The following PAX6 variants were observed in gnomAD, a reference collection of about 807,000 sequenced individuals.
The protein encoded by PAX6 is paired box protein Pax-6.
PAX6 carries 7 observed loss-of-function variants against 60.7 expected under a neutral mutation model. The ratio of observed to expected loss-of-function variants is 0.12; its 90% CI spans 0.07 to 0.22. The LOEUF (loss-of-function observed/expected upper bound fraction) is 0.22, where lower values mean the gene tolerates loss of function less well. PAX6 is among the 10% of genes least tolerant of loss of function. The pLI, the probability that PAX6 is intolerant of heterozygous loss-of-function variation, is 1.00. For missense variants in PAX6, 355 were observed against 555.2 expected (o/e 0.64, Z 3.62); for synonymous variants, 208 against 201.2 (o/e 1.03, Z -0.29).
chr11:31,805,066 T>C (rs1414146931), intron 4 of PAX6: 4 of 152,248 alleles, frequency 2.6e-5, no homozygotes, highest in Non-Finnish European at 5.9e-5. Context: ...AAGCAACTAA[T>C]AGGAAAACAT....
At chr11:31,806,159 A>G (rs976993033) in intron 4 of PAX6, 38 of 490,158 alleles carry the variant, frequency 7.8e-5, no homozygotes, top group Non-Finnish European at 7.4e-5. Flanking sequence ...CGCAGCTTCG[A>G]AAACTCGGGC....
At chr11:31,802,014 T>G (rs554729340) in intron 5 of PAX6, 102 bp from the exon 6 acceptor site, 1 of 950,518 alleles carries the variant, frequency 1.1e-6, no homozygotes, top group South Asian at 1.5e-5. Context: ...AATATGATGA[T>G]ACTTTCAAAC....
In PAX6 at chr11:31,802,668, C is replaced by T. The variant is rs761569836; in HGVS notation, c.141+36G>A. 16 of 1,597,124 alleles carry T rather than the reference C, an allele frequency of 1.0e-5. No individual in the cohort carries two copies. In the South Asian group the frequency reaches 1.5e-4, roughly 15 times the overall value. On this transcript the variant is annotated intron_variant, in intron 5 of 13. Coordinates refer to ENST00000640368, the MANE Select transcript of PAX6 (RefSeq NM_001368894.2). ...AGAGGGCGTTGAGAGTGGAGGGCCG[C>T]GGGGGCGGCGAGTGGGGCGGCGCCG...
chr11:31,793,722 A>G lies in PAX6; in HGVS notation c.888T>C (p.Pro296=), dbSNP rs1950604798. Reference sequence around the variant, plus strand: ...AACTACTGCTGATAGGAATATGACTAGGTGTGTTGCTGGCCTGTCTTCTCT... The same window carrying G: ...AACTACTGCTGATAGGAATATGACTGGGTGTGTTGCTGGCCTGTCTTCTCT... ...RNQRRQASNT[P]SHIPISSSFS... The change falls in exon 11 of 14, where the codon CCT becomes CCC. Residue 296 remains proline (P), a synonymous_variant. Coordinates refer to ENST00000640368, the MANE Select transcript of PAX6 (RefSeq NM_001368894.2). The G allele has an allele frequency of 6.2e-7, 1 of 1,613,934 alleles. No homozygotes were observed. Among genetic ancestry groups the G allele is most frequent in the African/African-American group, 1.3e-5 (1 of 74,912 alleles).
intron 2 of PAX6, chr11:31,808,533 T>G (rs1408784476): frequency 1.3e-5 from 2 of 152,246 alleles, no homozygotes; most frequent in Non-Finnish European, 1.5e-5. Context: ...AGATGGGGAA[T>G]GGAATTCCCC....
In PAX6 at chr11:31,796,801, A is replaced by C. The variant is rs1455160828; in HGVS notation, c.566-2013T>G. Among the ~76,000 whole-genome samples, 5 of 152,240 alleles carry C rather than the reference A, an allele frequency of 3.3e-5. No individual in the cohort carries two copies. The South Asian group carries it at 8.3e-4, about 25-fold the overall frequency. Reference sequence around the variant, plus strand: ...CAAGAGTGGGAGAGAGAGGAAAAGGAGGATGAGGGCCAGAGAATATTAGTA... The same window carrying C: ...CAAGAGTGGGAGAGAGAGGAAAAGGCGGATGAGGGCCAGAGAATATTAGTA... On this transcript the variant is annotated intron_variant, in intron 8 of 13. Transcript: ENST00000640368.
chr11:31,806,413 C>T lies in PAX6; in HGVS notation c.-2G>A. On this transcript the variant is annotated 5_prime_UTR_variant, in exon 4 of 14. Transcript: ENST00000640368. ...CCAGAGGCACTTACTGTTCTGCATG[C>T]TGGCTCTGGCTGGGGGCCGCGGGAT... 6.2e-7 allele frequency: 1 copy of T among 1,609,812 alleles called. No individual in the cohort carries two copies. Among genetic ancestry groups the T allele is most frequent in the East Asian group, 2.2e-5 (1 of 44,718 alleles).
rs189275679 is a variant in PAX6 at position 31,789,151 on chromosome 11, C to T, written c.*783G>A. On this transcript the variant is annotated 3_prime_UTR_variant, in exon 14 of 14. Coordinates refer to ENST00000640368, the MANE Select transcript of PAX6 (RefSeq NM_001368894.2). ...TAACTTTTGCTGGCCAAAAAAGAAACGTATGATTGCATGAAAATGTGTATA... is the reference window on the plus strand; with the variant it reads ...TAACTTTTGCTGGCCAAAAAAGAAATGTATGATTGCATGAAAATGTGTATA... 6.4e-5 allele frequency: 13 copies of T among 203,202 alleles called. No individual in the cohort carries two copies. The highest frequency in any genetic ancestry group is 1.6e-4 in the African/African-American group (7 of 43,848). 12.6% of individuals were successfully genotyped at this position (203,202 alleles called of 1,614,324 possible).
chr11:31,806,312 G>T, intron 4 of PAX6, 90 bp downstream of exon 4: 1 of 1,476,854 alleles, frequency 6.8e-7, no homozygotes, highest in Non-Finnish European at 9.2e-7. Flanking sequence ...GGCCGGGCCA[G>T]CGCGGGCGTC....
chr11:31,813,924 G>GC (rs1480175375), upstream of PAX6, among the ~76,000 whole-genome samples: 1 of 152,188 alleles, frequency 6.6e-6, no homozygotes, highest in Admixed American at 6.5e-5. Context: ...GGGCGAAGCG[G>GC]CCTAGGGGTG....
intron 8 of PAX6, among the ~76,000 whole-genome samples, chr11:31,795,356 T>C (rs565836660): frequency 6.6e-6 from 1 of 152,382 alleles, no homozygotes; most frequent in East Asian, 1.9e-4. Context: ...GCTCGCATTG[T>C]TCTGCAGTTT....
chr11:31,817,306 T>A (rs1214165133), intron 1 of PAX6, among the ~76,000 whole-genome samples: 1 of 152,254 alleles, frequency 6.6e-6, no homozygotes, highest in Non-Finnish European at 1.5e-5. Flanking sequence ...TTTGTTGCGG[T>A]CCAGCCATCT....
upstream of PAX6, chr11:31,814,352 A>C (rs1957272675): frequency 6.6e-6 from 1 of 152,348 alleles, no homozygotes; most frequent in South Asian, 2.1e-4. Context: ...GATCCCTGGC[A>C]TTCCCCTGTG....
chr11:31,793,238 A>C, intron 12 of PAX6, 200 bp downstream of exon 12: 4 of 696,026 alleles, frequency 5.7e-6, no homozygotes, highest in Non-Finnish European at 1.1e-5. Context: ...TTTATTACTC[A>C]TTTTTTTAGG....
rs1281178563 is a variant in PAX6, at chr11:31,800,741, G to A, written c.515C>T (p.Thr172Ile). ...MLNGQTGSWG[T>I]RPGWYPGTSV... ...AGTCCCCGGATACCAACCAGGGCGG[G>A]TGCCCCAGCTTCCGGTCTGCCCGTT... is the stretch of plus-strand genomic sequence containing the variant. Residue 172 changes from threonine to isoleucine, a missense_variant, in exon 8 of 14, where the codon ACC becomes ATC. Coordinates refer to ENST00000640368, the MANE Select transcript of PAX6 (RefSeq NM_001368894.2). The A allele has an allele frequency of 6.2e-7, 1 of 1,614,192 alleles. No individual in the cohort carries two copies. Among genetic ancestry groups the A allele is most frequent in the African/African-American group, 1.3e-5 (1 of 75,044 alleles).
chr11:31,817,076 G>T (rs1472009713), intron 1 of PAX6, among the ~76,000 whole-genome samples: 1 of 152,268 alleles, frequency 6.6e-6, no homozygotes, highest in South Asian at 2.1e-4. Context: ...GGGCTTGGCG[G>T]CCCGGCTCCC....
intron 12 of PAX6, chr11:31,791,979 C>T (rs772082027): frequency 2.0e-5 from 3 of 152,172 alleles, no homozygotes; most frequent in African/African-American, 7.2e-5. Context: ...TTCCCCATAC[C>T]GCTCTGTATG....
At chr11:31,802,143 A>C in intron 5 of PAX6, 1 of 554,078 alleles carries the variant, frequency 1.8e-6, no homozygotes. Flanking sequence ...ACCTTGCTTA[A>C]AGTGGCGTTA....
Position 31,794,649 on chromosome 11 carries a change from T to C in PAX6, c.705A>G (p.Gln235=), listed in dbSNP as rs751765079. 1.9e-6 allele frequency: 3 copies of C among 1,614,226 alleles called. No homozygotes were observed. The South Asian group carries it at 3.3e-5, about 18-fold the overall frequency. Residue 235 remains glutamine (Q), a synonymous_variant, in exon 9 of 14, where the codon CAA becomes CAG. Transcript: ENST00000640368. ...TATCACCTTTCTCCAGGGCCTCAAT[T>C]TGCTCTTGGGTAAAGGATGTTCTAT... ...QRNRTSFTQE[Q]IEALEKEFER...
Sources: gnomAD v4.1 joint callset for allele counts (sites outside exome capture counted in the v4.1 genomes callset) on GRCh38, gnomAD v4.1.1 for gene constraint, MANE v1.5 for transcripts, NCBI Gene and HGNC (gene_info 2026-07-23, HGNC 2026-07-21) for gene names.